The following ZXDC variants were observed in gnomAD, a reference collection of about 807,000 sequenced individuals.
ZXDC encodes ZXD family zinc finger C.
ZXDC carries 58 observed loss-of-function variants against 63.6 expected under a neutral mutation model. That is an observed-to-expected ratio of 0.91 (90% CI 0.74 to 1.13). ZXDC has a LOEUF of 1.13. Among genes scored for constraint, ZXDC ranks in the 50% most tolerant of loss-of-function variants. The pLI is 0.00. For synonymous variants in ZXDC, 561 were observed against 496.1 expected (o/e 1.13, Z -1.74); for missense variants, 1,133 against 1,148.9 (o/e 0.99, Z 0.20).
chr3:126,462,357 T>C, intron 5 of ZXDC, 137 bp from the exon 6 acceptor site: 1 of 1,410,600 alleles, frequency 7.1e-7, no homozygotes, highest in Non-Finnish European at 9.3e-7. Flanking sequence ...AGCTTGGTTA[T>C]CACGACAGAG....
intron 7 of ZXDC, 149 bp from the exon 8 acceptor site, chr3:126,442,095 T>C (rs977323199): frequency 1.1e-6 from 1 of 911,366 alleles, no homozygotes; most frequent in African/African-American, 1.7e-5. Context: ...ACAGAAAAAA[T>C]CAAGAGTTAA....
At chr3:126,440,043 G>A in intron 8 of ZXDC, 6 of 1,193,060 alleles carry the variant, frequency 5.0e-6, no homozygotes, top group Non-Finnish European at 6.2e-6. Flanking sequence ...CTCCTTGCAG[G>A]TGCCCTGGCA....
At chr3:126,459,268 G>A (rs552580052) in intron 7 of ZXDC, 2 of 985,416 alleles carry the variant, frequency 2.0e-6, no homozygotes, top group African/African-American at 3.5e-5. Flanking sequence ...CGTACCTGGG[G>A]ACAGTGGCAG....
Position 126,461,788 on chromosome 3 carries a change from A to T in ZXDC, c.1874T>A (p.Leu625Gln), listed in dbSNP as rs1934555854. ...TAAGTTACTATTGGAGGTCAAAGCC[A>T]GTGGGTCGTCACTCAAGTTCTTCAT... ...LPMKNLSDDP[L>Q]ALTSNSNLAA... The change falls in exon 6 of 10, where the codon CTG becomes CAG. Residue 625 changes from leucine (L) to glutamine (Q), a missense_variant. Physicochemically the swap from Leu to Gln is moderately radical, Grantham distance 113. Coordinates refer to ENST00000389709, the MANE Select transcript of ZXDC (RefSeq NM_025112.5). 1 of 1,614,098 alleles carries T rather than the reference A, an allele frequency of 6.2e-7. No homozygotes were observed. The highest frequency in any genetic ancestry group is 8.5e-7 in the Non-Finnish European group (1 of 1,179,996).
intron 7 of ZXDC, chr3:126,452,007 T>G: frequency 1.0e-6 from 1 of 985,418 alleles, no homozygotes. Context: ...CTCATCTTCA[T>G]TCTTTATTCT....
intron 5 of ZXDC, among the ~76,000 whole-genome samples, chr3:126,464,583 C>A (rs1363520853): frequency 6.6e-6 from 1 of 152,134 alleles, no homozygotes; most frequent in Non-Finnish European, 1.5e-5. Flanking sequence ...TAGGTTGCTA[C>A]AGAAGAGGGT....
At chr3:126,452,051 G>A in intron 7 of ZXDC, 1 of 985,030 alleles carries the variant, frequency 1.0e-6, no homozygotes, top group African/African-American at 1.7e-5. Flanking sequence ...TTCCCTAAAA[G>A]GCCAGCATTC....
In ZXDC at chr3:126,459,679, T is replaced by C. The variant is rs770761192; in HGVS notation, c.2186A>G (p.Lys729Arg). 3 of 1,614,086 alleles carry C rather than the reference T, an allele frequency of 1.9e-6. No individual in the cohort carries two copies. The South Asian group carries it at 3.3e-5, about 18-fold the overall frequency. The change falls in exon 7 of 10, where the codon AAG (lysine) becomes AGG (arginine). Residue 729 changes from lysine to arginine, a missense_variant. Coordinates refer to ENST00000389709, the MANE Select transcript of ZXDC (RefSeq NM_025112.5). ...TGCATTGCTCCCCGCTCCTCTCTGCTTTTTTTCCTTGGCTAGTTGAATGGC... is the reference window on the plus strand; with the variant it reads ...TGCATTGCTCCCCGCTCCTCTCTGCCTTTTTTCCTTGGCTAGTTGAATGGC... ...YRAIQLAKEK[K>R]QRGAGSNAGA...
chr3:126,454,691 A>AAGAGAAAG, intron 7 of ZXDC: 1 of 985,408 alleles, frequency 1.0e-6, no homozygotes. Flanking sequence ...GTCTCCTCTG[A>AAGAGAAAG]TAAGCACCAC....
intron 7 of ZXDC, among the ~76,000 whole-genome samples, chr3:126,443,577 GATACAGGTTTGC>G (rs1933762195): frequency 1.3e-5 from 2 of 152,124 alleles, no homozygotes; most frequent in South Asian, 4.1e-4. Context: ...AGACTTGCTG[GATACAGGTTTGC>G]CACAAACCTT....
intron 7 of ZXDC, chr3:126,450,482 T>A (rs895168317): frequency 8.8e-6 from 4 of 456,518 alleles, no homozygotes; most frequent in Non-Finnish European, 1.8e-5. Context: ...GATGCCCTCA[T>A]CCAAATCCAA....
At chr3:126,464,213 C>T (rs1270414752) in intron 5 of ZXDC, among the ~76,000 whole-genome samples, 4 of 152,200 alleles carry the variant, frequency 2.6e-5, no homozygotes, top group African/African-American at 7.2e-5. Context: ...TGTACAAGGG[C>T]CAGATATTAA....
intron 6 of ZXDC, chr3:126,460,253 G>A (rs2107646223): frequency 1.5e-6 from 1 of 678,680 alleles, no homozygotes. Context: ...ACTTGCCTGA[G>A]GGAGTCAGAC....
At chr3:126,470,332 T>TGGCATACGCCTGTAGTCCC (rs1255505700) in intron 4 of ZXDC, among the ~76,000 whole-genome samples, 16 of 152,150 alleles carry the variant, frequency 1.1e-4, no homozygotes, top group Non-Finnish European at 1.8e-4. Context: ...CCAAGCGTGG[T>TGGCATACGCCTGTAGTCCC]GGCATACGCC....
At chr3:126,440,553 C>G in intron 8 of ZXDC, 18 of 985,728 alleles carry the variant, frequency 1.8e-5, no homozygotes, top group Non-Finnish European at 2.2e-5. Context: ...CTACCGTCTC[C>G]CTATTGCCAA....
chr3:126,454,450 A>G, intron 7 of ZXDC: 2 of 985,444 alleles, frequency 2.0e-6, no homozygotes, highest in Non-Finnish European at 2.4e-6. Context: ...TGCACTTTTC[A>G]TATTAACATT....
In ZXDC at chr3:126,475,391, C is replaced by T; in HGVS notation, c.475G>A (p.Ala159Thr). 1 of 1,215,594 alleles carries T rather than the reference C, an allele frequency of 8.2e-7. No individual in the cohort carries two copies. Among genetic ancestry groups the T allele is most frequent in the Non-Finnish European group, 1.0e-6 (1 of 973,896 alleles). The allele number at this position is 1,215,594 out of a possible 1,614,324, so 75.3% of individuals were successfully genotyped here. A position where few individuals can be genotyped will look rare whatever the true frequency, so the allele number is the denominator to read the frequency against. Residue 159 changes from alanine to threonine, a missense_variant, in exon 1 of 10, where the codon GCC becomes ACC. Physicochemically the swap from Ala to Thr is moderately conservative, Grantham distance 58. Coordinates refer to ENST00000389709, the MANE Select transcript of ZXDC (RefSeq NM_025112.5). ...GCCTGGGGCGCGCGGCGGGGAGCGG[C>T]GGCGCCCGCGGTTGCGGGGCCGGGC... ...APPGPATAGA[A>T]APRRAPQASG... is the part of the protein sequence containing the mutation.
At position 126,439,613 on chromosome 3, in the gene ZXDC, G is replaced by A. The variant is rs1281178120; in HGVS notation, c.2490+19C>T. 3 of 1,551,656 alleles carry A rather than the reference G, an allele frequency of 1.9e-6. No homozygotes were observed. The highest frequency in any genetic ancestry group is 1.7e-6 in the Non-Finnish European group (2 of 1,147,096). On this transcript the variant is annotated intron_variant, in intron 9 of 9. Transcript: ENST00000389709. ...GCGAGTCTCAATAAGAAAAACAAAGGGCAGTAAGGCATCCAGACCTGGAGG... is the reference window on the plus strand; with the variant it reads ...GCGAGTCTCAATAAGAAAAACAAAGAGCAGTAAGGCATCCAGACCTGGAGG...
intron 8 of ZXDC, chr3:126,440,798 C>A (rs559166412): frequency 3.0e-6 from 3 of 986,712 alleles, no homozygotes; most frequent in East Asian, 1.1e-4. Flanking sequence ...CTCTTCCCTG[C>A]CCCCTTCCCA....
Sources: gnomAD v4.1 joint callset for allele counts (sites outside exome capture counted in the v4.1 genomes callset) on GRCh38, gnomAD v4.1.1 for gene constraint, MANE v1.5 for transcripts, NCBI Gene and HGNC (gene_info 2026-07-23, HGNC 2026-07-21) for gene names.